C13orf42: variants seen among roughly 807,000 people sequenced by gnomAD.
C13orf42 encodes the protein uncharacterized protein C13orf42.
rs1302775716 is a variant in C13orf42 at position 51,084,297 on chromosome 13, T to A, written c.832A>T (p.Asn278Tyr). 2.5e-6 allele frequency: 1 copy of A among 398,524 alleles called. No individual in the cohort carries two copies. Among genetic ancestry groups the A allele is most frequent in the Non-Finnish European group, 4.4e-6 (1 of 226,086 alleles). The allele number at this position is 398,524 out of a possible 1,614,324, so 24.7% of individuals were successfully genotyped here. A position where few individuals can be genotyped will look rare whatever the true frequency, so the allele number is the denominator to read the frequency against. The change falls in exon 4 of 4, where the codon AAC (asparagine) becomes TAC (tyrosine). Residue 278 changes from asparagine to tyrosine, a missense_variant. Asn to Tyr is a moderately radical substitution (Grantham distance 143). Coordinates refer to ENST00000563710, the MANE Select transcript of C13orf42 (RefSeq NM_001351589.3). ...DLGSSRQILF[N>Y]FSGEDMEWDA... Reference sequence around the variant, plus strand: ...CACTCCATATCTTCTCCTGAGAAGTTGAAAAGGATCTGTCTGGAGCTCCCC... The same window carrying A: ...CACTCCATATCTTCTCCTGAGAAGTAGAAAAGGATCTGTCTGGAGCTCCCC...
At chr13:51,170,769 G>A (rs992463964) in intron 1 of C13orf42, among the ~76,000 whole-genome samples, 3 of 152,118 alleles carry the variant, frequency 2.0e-5, no homozygotes, top group Admixed American at 6.5e-5. Context: ...CACCCTTAGC[G>A]GCAAGTCCCG....
chr13:51,169,051 G>A (rs767100692), intron 1 of C13orf42, among the ~76,000 whole-genome samples: 3 of 152,158 alleles, frequency 2.0e-5, no homozygotes, highest in Non-Finnish European at 2.9e-5. Context: ...GTAGCAAAGC[G>A]AGAACAGACT....
At chr13:51,159,434 T>C (rs933683239) in intron 1 of C13orf42, among the ~76,000 whole-genome samples, 5 of 152,200 alleles carry the variant, frequency 3.3e-5, no homozygotes, top group Admixed American at 6.5e-5. Flanking sequence ...CTTGAGTCAC[T>C]GAGCTTTTAT....
upstream of C13orf42, among the ~76,000 whole-genome samples, chr13:51,114,185 T>C (rs114402567): frequency 7.9e-3 from 1,210 of 152,306 alleles, 25 homozygotes; most frequent in African/African-American, 0.028. Flanking sequence ...TGCTCATGAC[T>C]GGAAGGGCAG....
chr13:51,167,689 A>G (rs1953913101), intron 1 of C13orf42, among the ~76,000 whole-genome samples: 4 of 152,200 alleles, frequency 2.6e-5, no homozygotes, highest in Admixed American at 2.6e-4. Context: ...CATGATTTAA[A>G]AAGTCTCAGG....
chr13:51,119,111 T>C (rs949490961), intron 1 of C13orf42, among the ~76,000 whole-genome samples: 4 of 151,990 alleles, frequency 2.6e-5, no homozygotes, highest in African/African-American at 9.7e-5. Context: ...GTGTATGGTG[T>C]GCCCAGGCGT....
rs1302256150 is a variant in C13orf42 at position 51,133,375 on chromosome 13, G to A, written n.137-20153C>T. On this transcript the variant is annotated intron_variant and non_coding_transcript_variant, in intron 1 of 4. Transcript: ENST00000433280. ...ACAGAGTTTCTGTTTGAGGGAATGGGGAAGTTCTAGAGGTGGGAAGTGATG... is the reference window on the plus strand; with the variant it reads ...ACAGAGTTTCTGTTTGAGGGAATGGAGAAGTTCTAGAGGTGGGAAGTGATG... Among the ~76,000 whole-genome samples, 9 of 152,086 alleles carry A rather than the reference G, an allele frequency of 5.9e-5. No individual in the cohort carries two copies. In the East Asian group the frequency reaches 1.7e-3, roughly 29 times the overall value.
At chr13:51,139,956 CT>C (rs893131925) in intron 1 of C13orf42, among the ~76,000 whole-genome samples, 3 of 152,132 alleles carry the variant, frequency 2.0e-5, no homozygotes, top group African/African-American at 4.8e-5. Flanking sequence ...AGAACCCTCT[CT>C]TGGGGTCTGG....
intron 1 of C13orf42, among the ~76,000 whole-genome samples, chr13:51,150,687 T>G (rs1456991091): frequency 2.0e-5 from 3 of 152,218 alleles, no homozygotes; most frequent in African/African-American, 7.2e-5. Flanking sequence ...TCAATTTGCC[T>G]AGGGGTCACT....
rs114263853 is a variant in C13orf42, at chr13:51,147,331, G to A, written n.136+24922C>T. On this transcript the variant is annotated intron_variant and non_coding_transcript_variant, in intron 1 of 4. Transcript: ENST00000433280. ...TGGTGCCTGTGGCCTAGCTCCCTCC[G>A]TGCCTGTGAGAGAAGGGGCAGGGGC... Among the ~76,000 whole-genome samples, 853 of 152,248 alleles carry A rather than the reference G, an allele frequency of 5.6e-3. 10 individuals are homozygous for A. Among genetic ancestry groups the A allele is most frequent in the African/African-American group, 0.019 (794 of 41,542 alleles).
chr13:51,096,665 G>A (rs1201029641), intron 1 of C13orf42, among the ~76,000 whole-genome samples: 1 of 152,196 alleles, frequency 6.6e-6, no homozygotes, highest in East Asian at 1.9e-4. Flanking sequence ...CTGCGTGTGT[G>A]TTTTGTCCTT....
At chr13:51,165,071 T>C (rs540468828) in intron 1 of C13orf42, among the ~76,000 whole-genome samples, 1 of 152,332 alleles carries the variant, frequency 6.6e-6, no homozygotes, top group Non-Finnish European at 1.5e-5. Context: ...CCTGTTGCCA[T>C]GTTCCATCCT....
chr13:51,097,296 C>T (rs1953244954), intron 1 of C13orf42, among the ~76,000 whole-genome samples: 1 of 152,118 alleles, frequency 6.6e-6, no homozygotes, highest in African/African-American at 2.4e-5. Context: ...TTATAAATAC[C>T]CAGCTTGTTC....
At chr13:51,106,106 A>G in intron 1 of C13orf42, among the ~76,000 whole-genome samples, 1 of 152,232 alleles carries the variant, frequency 6.6e-6, no homozygotes, top group East Asian at 1.9e-4. Context: ...TCAATATTTC[A>G]ATGCTACAGA....
intron 1 of C13orf42, among the ~76,000 whole-genome samples, chr13:51,092,083 G>A (rs1681414113): frequency 6.6e-6 from 1 of 152,146 alleles, no homozygotes; most frequent in Non-Finnish European, 1.5e-5. Context: ...ACTGTCCAGG[G>A]GACAAAACAT....
chr13:51,139,402 T>G (rs1407315455), intron 1 of C13orf42, among the ~76,000 whole-genome samples: 1 of 152,030 alleles, frequency 6.6e-6, no homozygotes, highest in Non-Finnish European at 1.5e-5. Flanking sequence ...AAAAGAAGAA[T>G]TGCTAATCAA....
In C13orf42 at chr13:51,083,068, TTC is replaced by T. The variant is rs1272656636; in HGVS notation, c.*1081_*1082del. On this transcript the variant is annotated 3_prime_UTR_variant, in exon 4 of 4. Coordinates refer to ENST00000563710, the MANE Select transcript of C13orf42 (RefSeq NM_001351589.3). ...GTGGTTTTCTTTGTTTTGTTTTGTT[TTC>T]TGTTTTTTGTCTCTCTCCCTTCCTT... The T allele has an allele frequency of 6.6e-6, 1 of 152,222 alleles. No individual in the cohort carries two copies. Among genetic ancestry groups the T allele is most frequent in the African/African-American group, 2.4e-5 (1 of 41,442 alleles). The allele number at this position is 152,222 out of a possible 1,614,324, so 9.4% of individuals were successfully genotyped here.
chr13:51,156,293 T>C (rs1358987519), intron 1 of C13orf42, among the ~76,000 whole-genome samples: 1 of 152,226 alleles, frequency 6.6e-6, no homozygotes, highest in Non-Finnish European at 1.5e-5. Context: ...AAAGCCTGTG[T>C]CATTCAACAG....
chr13:51,124,635 G>A (rs1050907797), intron 1 of C13orf42, among the ~76,000 whole-genome samples: 11 of 152,182 alleles, frequency 7.2e-5, no homozygotes, highest in African/African-American at 2.7e-4. Context: ...ATCCTCCTCA[G>A]GTCATGGGGG....
Sources: gnomAD v4.1 joint callset for allele counts (sites outside exome capture counted in the v4.1 genomes callset) on GRCh38, gnomAD v4.1.1 for gene constraint, MANE v1.5 for transcripts, NCBI Gene and HGNC (gene_info 2026-07-23, HGNC 2026-07-21) for gene names.